SNAP91: variants seen among roughly 807,000 people sequenced by gnomAD.
SNAP91 encodes clathrin coat assembly protein AP180.
A neutral mutation model predicts 100.3 loss-of-function variants in SNAP91; 27 were observed. That is an observed-to-expected ratio of 0.27 (90% CI 0.20 to 0.37). SNAP91 has a LOEUF of 0.37. Ranked by LOEUF, SNAP91 falls within the 10% of genes least tolerant of loss-of-function variation. The pLI is 1.00. For synonymous variants in SNAP91, 404 were observed against 398.6 expected (o/e 1.01, Z -0.16); for missense variants, 986 against 1,123.7 (o/e 0.88, Z 1.75).
chr6:83,653,139 T>C (rs2128665735), intron 7 of SNAP91, among the ~76,000 whole-genome samples: 1 of 152,332 alleles, frequency 6.6e-6, no homozygotes. Flanking sequence ...GACATTAATT[T>C]GGGAAAATTC....
chr6:83,593,118 A>G (rs929985041), intron 19 of SNAP91, 64 bp downstream of exon 19: 2 of 1,525,274 alleles, frequency 1.3e-6, no homozygotes, highest in Non-Finnish European at 1.8e-6. Context: ...GGTGAGTACA[A>G]AGAGCTTAAT....
intron 7 of SNAP91, among the ~76,000 whole-genome samples, chr6:83,644,594 G>T (rs143704878): frequency 6.6e-6 from 1 of 152,108 alleles, no homozygotes. Flanking sequence ...TGTCATACTA[G>T]TATTAACTTT....
chr6:83,694,547 A>T (rs2129010202), intron 2 of SNAP91, among the ~76,000 whole-genome samples: 1 of 152,350 alleles, frequency 6.6e-6, no homozygotes, highest in Middle Eastern at 3.4e-3. Context: ...GTGCTAAGCA[A>T]ATCAGAATTC....
intron 2 of SNAP91, among the ~76,000 whole-genome samples, chr6:83,673,535 C>T (rs2098818202): frequency 6.6e-6 from 1 of 152,040 alleles, no homozygotes; most frequent in Non-Finnish European, 1.5e-5. Context: ...ATCCATTGTA[C>T]CTCCCTCCCT....
chr6:83,659,622 G>A (rs2098493323), intron 5 of SNAP91, among the ~76,000 whole-genome samples: 1 of 151,766 alleles, frequency 6.6e-6, no homozygotes, highest in East Asian at 1.9e-4. Context: ...GTAGGGATGG[G>A]AGTCTCACTA....
intron 2 of SNAP91, among the ~76,000 whole-genome samples, chr6:83,676,740 T>C (rs997978385): frequency 1.3e-5 from 2 of 152,142 alleles, no homozygotes; most frequent in Admixed American, 6.6e-5. Context: ...AAGTTTTATT[T>C]TGAAGAATTA....
chr6:83,665,964 C>T (rs1018770730), intron 2 of SNAP91, among the ~76,000 whole-genome samples: 2 of 151,976 alleles, frequency 1.3e-5, no homozygotes, highest in Non-Finnish European at 2.9e-5. Context: ...TTCTATATGC[C>T]ATTTGAAGGC....
chr6:83,681,767 A>T (rs1395632439), intron 2 of SNAP91, among the ~76,000 whole-genome samples: 1 of 152,166 alleles, frequency 6.6e-6, no homozygotes, highest in Non-Finnish European at 1.5e-5. Context: ...TCAACTCTGG[A>T]CATAATAAGC....
At chr6:83,556,397 A>G (rs798394) in intron 28 of SNAP91, among the ~76,000 whole-genome samples, 152 bp from the exon 29 acceptor site, 11,349 of 37,250 alleles carry the variant, frequency 0.3, 2,353 homozygotes, top group South Asian at 0.49. Context: ...GAGAGAGAGA[A>G]AAGCATTAGG....
chr6:83,656,693 G>A, intron 7 of SNAP91, 61 bp downstream of exon 7: 2 of 704,678 alleles, frequency 2.8e-6, no homozygotes, highest in Non-Finnish European at 4.7e-6. Flanking sequence ...TCACCCCACA[G>A]AATTCATCAA....
At chr6:83,647,838 G>C (rs2098010475) in intron 7 of SNAP91, among the ~76,000 whole-genome samples, 1 of 152,076 alleles carries the variant, frequency 6.6e-6, no homozygotes, top group South Asian at 2.1e-4. Flanking sequence ...TGTAAAGAAA[G>C]ATGTATTTGG....
chr6:83,595,662 T>A (rs2094388383), intron 16 of SNAP91, among the ~76,000 whole-genome samples: 1 of 152,220 alleles, frequency 6.6e-6, no homozygotes, highest in Middle Eastern at 3.4e-3. Context: ...CCCCAAATAC[T>A]GTCTTCCGCA....
At chr6:83,597,295 G>C (rs1050691093) in intron 16 of SNAP91, among the ~76,000 whole-genome samples, 1 of 152,124 alleles carries the variant, frequency 6.6e-6, no homozygotes, top group Non-Finnish European at 1.5e-5. Context: ...AGTGAGAACT[G>C]CCCAGCTGAG....
intron 2 of SNAP91, among the ~76,000 whole-genome samples, chr6:83,693,713 A>G (rs1169391181): frequency 6.6e-6 from 1 of 152,234 alleles, no homozygotes; most frequent in Non-Finnish European, 1.5e-5. Context: ...TATCAAGCAG[A>G]GAGGAAGAAC....
At chr6:83,680,660 A>C (rs1454129) in intron 2 of SNAP91, among the ~76,000 whole-genome samples, 9,930 of 152,176 alleles carry the variant, frequency 0.065, 1,035 homozygotes, top group African/African-American at 0.22. Flanking sequence ...TCAGTCTAGA[A>C]CAAGTTTCTT....
chr6:83,693,460 T>C (rs998708939), intron 2 of SNAP91, among the ~76,000 whole-genome samples: 8 of 152,196 alleles, frequency 5.3e-5, no homozygotes, highest in Non-Finnish European at 8.8e-5. Flanking sequence ...TAAAAAATTA[T>C]TTTAAATTGA....
At chr6:83,690,831 CA>C (rs938072337) in intron 2 of SNAP91, among the ~76,000 whole-genome samples, 1 of 151,772 alleles carries the variant, frequency 6.6e-6, no homozygotes, top group Non-Finnish European at 1.5e-5. Flanking sequence ...TAAGGACTTT[CA>C]AAAAATATAA....
intron 6 of SNAP91, among the ~76,000 whole-genome samples, 163 bp from the exon 7 acceptor site, chr6:83,657,028 T>C (rs2098423294): frequency 6.7e-6 from 1 of 148,820 alleles, no homozygotes; most frequent in Non-Finnish European, 1.5e-5. Context: ...ATGGACTACA[T>C]ATGTTTTTGC....
intron 26 of SNAP91, among the ~76,000 whole-genome samples, chr6:83,562,943 C>T (rs747345774): frequency 6.6e-6 from 1 of 152,186 alleles, no homozygotes; most frequent in African/African-American, 2.4e-5. Context: ...TTATTACTTA[C>T]AGATTCTGTA....
Sources: gnomAD v4.1 joint callset for allele counts (sites outside exome capture counted in the v4.1 genomes callset) on GRCh38, gnomAD v4.1.1 for gene constraint, MANE v1.5 for transcripts, NCBI Gene and HGNC (gene_info 2026-07-23, HGNC 2026-07-21) for gene names.